TEX9: variants seen among roughly 807,000 people sequenced by gnomAD.
TEX9 encodes the protein testis-expressed protein 9.
In TEX9, 74 loss-of-function variants were observed where a neutral mutation model predicts 59.6. The ratio of observed to expected loss-of-function variants is 1.24; its 90% confidence interval spans 1.03 to 1.51. The LOEUF (loss-of-function observed/expected upper bound fraction) is 1.51. Among genes scored for constraint, TEX9 ranks in the 40% most tolerant of loss-of-function variants. TEX9 has a pLI of 0.00. For missense variants in TEX9, 522 were observed against 447.8 expected (o/e 1.17, Z -1.49); for synonymous variants, 186 against 152.2 (o/e 1.22, Z -1.64).
chr15:56,280,445 T>G (rs1213258141), intron 1 of TEX9, among the ~76,000 whole-genome samples: 1 of 152,182 alleles, frequency 6.6e-6, no homozygotes, highest in East Asian at 1.9e-4. Context: ...CCTTGTATCT[T>G]CTGAACATTC....
At chr15:56,370,551 C>G (rs368470507) in intron 2 of TEX9, among the ~76,000 whole-genome samples, 2 of 152,242 alleles carry the variant, frequency 1.3e-5, no homozygotes, top group African/African-American at 4.8e-5. Flanking sequence ...TCCTTCTCAG[C>G]CCATTAAAGA....
intron 9 of TEX9, among the ~76,000 whole-genome samples, chr15:56,407,757 C>G (rs1220892261): frequency 6.6e-6 from 1 of 152,148 alleles, no homozygotes; most frequent in Non-Finnish European, 1.5e-5. Context: ...CCCTTCCAAC[C>G]TCCTTATTCT....
chr15:56,339,933 T>A (rs2046340534), intron 1 of TEX9, among the ~76,000 whole-genome samples: 1 of 152,026 alleles, frequency 6.6e-6, no homozygotes, highest in African/African-American at 2.4e-5. Flanking sequence ...AGCAATTCAT[T>A]TCTGTTGTTT....
At chr15:56,431,377 G>C (rs1455442200) in intron 12 of TEX9, 1 of 1,610,614 alleles carries the variant, frequency 6.2e-7, no homozygotes, top group African/African-American at 1.3e-5. Flanking sequence ...ACTTACTTTA[G>C]GGAGATAGCC....
At chr15:56,354,059 C>G (rs569855084) in intron 1 of TEX9, among the ~76,000 whole-genome samples, 1 of 152,214 alleles carries the variant, frequency 6.6e-6, no homozygotes, top group Admixed American at 6.5e-5. Flanking sequence ...ATAGAAAATG[C>G]AGATTTGATT....
intron 1 of TEX9, among the ~76,000 whole-genome samples, chr15:56,309,059 A>T (rs1245645096): frequency 6.6e-6 from 1 of 152,172 alleles, no homozygotes; most frequent in Non-Finnish European, 1.5e-5. Context: ...ATTTTATGAT[A>T]AGCTTATCAA....
chr15:56,433,933 C>A (rs1263051698), intron 12 of TEX9, among the ~76,000 whole-genome samples: 1 of 152,032 alleles, frequency 6.6e-6, no homozygotes, highest in Non-Finnish European at 1.5e-5. Flanking sequence ...CTTTTATGTT[C>A]TCAATACCAA....
the TEX9 span, chr15:56,456,579 G>A: frequency 6.4e-7 from 1 of 1,565,494 alleles, no homozygotes; most frequent in East Asian, 2.3e-5. Context: ...TTTTCATCAA[G>A]GTTGAATTTG....
intron 2 of TEX9, among the ~76,000 whole-genome samples, chr15:56,367,510 A>C (rs1485657925): frequency 1.3e-5 from 2 of 152,214 alleles, no homozygotes; most frequent in Non-Finnish European, 2.9e-5. Flanking sequence ...GAAGATGCTA[A>C]TCGCTCAAGT....
intron 12 of TEX9, among the ~76,000 whole-genome samples, chr15:56,430,372 A>G (rs1307051688): frequency 1.3e-5 from 2 of 152,004 alleles, no homozygotes; most frequent in Non-Finnish European, 2.9e-5. Context: ...ACATCCAGTT[A>G]ACTTTTTATT....
chr15:56,309,693 G>T (rs1439857277), intron 1 of TEX9, among the ~76,000 whole-genome samples: 2 of 60,786 alleles, frequency 3.3e-5, no homozygotes, highest in African/African-American at 7.3e-5. Flanking sequence ...TTTATGGGAA[G>T]TTTTTTTTTT....
Position 56,365,494 on chromosome 15 carries a change from G to A in TEX9, c.27+17G>A, listed in dbSNP as rs201434042. 516 of 1,614,190 alleles carry A rather than the reference G, an allele frequency of 3.2e-4. No individual in the cohort carries two copies. The East Asian group carries it at 0.011, about 34-fold the overall frequency. The stretch of plus-strand genomic sequence containing the variant: ...TGTCTCACGGTCAGTTCAACTCCAG[G>A]CTCCTGGGGAGCGTCTGGGTTCCGG... On this transcript the variant is annotated intron_variant, in intron 1 of 12. Transcript: ENST00000352903.
At chr15:56,455,083 G>A in the TEX9 span, among the ~76,000 whole-genome samples, 3 of 151,980 alleles carry the variant, frequency 2.0e-5, no homozygotes, top group Non-Finnish European at 4.4e-5. Context: ...TTGCATTCTG[G>A]TTTCCTTCCT....
At chr15:56,250,356 G>A (rs561645648) in intron 1 of TEX9, among the ~76,000 whole-genome samples, 2 of 152,182 alleles carry the variant, frequency 1.3e-5, no homozygotes, top group African/African-American at 4.8e-5. Context: ...GAGCTAGAGT[G>A]TGAGTAAAAT....
intron 1 of TEX9, among the ~76,000 whole-genome samples, chr15:56,277,944 A>G (rs1451743645): frequency 6.6e-6 from 1 of 151,934 alleles, no homozygotes; most frequent in Non-Finnish European, 1.5e-5. Context: ...CTCTTGAGGG[A>G]CCAACACTAT....
At chr15:56,278,193 G>A (rs2141438680) in intron 1 of TEX9, among the ~76,000 whole-genome samples, 1 of 152,122 alleles carries the variant, frequency 6.6e-6, no homozygotes, top group East Asian at 1.9e-4. Flanking sequence ...TATAGCATTT[G>A]TGGGTCTCCT....
chr15:56,336,164 T>A (rs2141804168), intron 1 of TEX9, among the ~76,000 whole-genome samples: 1 of 152,320 alleles, frequency 6.6e-6, no homozygotes, highest in African/African-American at 2.4e-5. Context: ...CATATCCCCA[T>A]AATCTCAACT....
At chr15:56,452,292 A>T in the TEX9 span, among the ~76,000 whole-genome samples, 2 of 152,126 alleles carry the variant, frequency 1.3e-5, no homozygotes, top group Non-Finnish European at 2.9e-5. Flanking sequence ...CTAGGTGCAA[A>T]AGGCCTCTAC....
chr15:56,431,518 TTTG>T lies in TEX9; in HGVS notation c.*29+3048_*29+3050del, dbSNP rs1481939443. On this transcript the variant is annotated intron_variant, in intron 12 of 12. Transcript: ENST00000352903. The stretch of plus-strand genomic sequence containing the variant: ...ACGTTGCTGGAAATGCAGATCAAAT[TTTG>T]TTATCACAAAGTACATTAATCTTAT... 5 of 1,612,884 alleles carry T rather than the reference TTTG, an allele frequency of 3.1e-6. No homozygotes were observed. The African/African-American group carries it at 5.3e-5, about 17-fold the overall frequency.
Sources: gnomAD v4.1 joint callset for allele counts (sites outside exome capture counted in the v4.1 genomes callset) on GRCh38, gnomAD v4.1.1 for gene constraint, MANE v1.5 for transcripts, NCBI Gene and HGNC (gene_info 2026-07-23, HGNC 2026-07-21) for gene names.